The following GALNS variants were observed in gnomAD, a reference collection of about 807,000 sequenced individuals.
GALNS encodes the protein N-acetylgalactosamine-6-sulfatase.
In GALNS, 65 loss-of-function variants were observed where a neutral mutation model predicts 65.9. The ratio of observed to expected loss-of-function variants is 0.99; its 90% CI spans 0.81 to 1.21. The LOEUF is 1.21. GALNS is among the 50% of genes most tolerant of loss of function. The probability of loss-of-function intolerance (pLI) is 0.00; values close to 1 mark genes in which losing one functional copy is unlikely to be tolerated. For synonymous variants in GALNS, 346 were observed against 288.9 expected, an observed-to-expected ratio of 1.20 and a Z score of -2.00; for missense variants, 776 against 700.7, an observed-to-expected ratio of 1.11 and a Z score of -1.21.
chr16:88,824,812 C>T lies in GALNS; in HGVS notation c.1197G>A (p.Lys399=), dbSNP rs946866356. Residue 399 remains lysine, a synonymous_variant, in exon 11 of 14, where the codon AAG becomes AAA. Transcript: ENST00000268695. The part of the protein sequence containing the change: ...TLMAATLGQH[K]AHFWTWTNSW... ...AGTTGGTCCAGGTCCAGAAGTGAGC[C>T]TTGTGCTGCCCGAGGGTGGCCGCCA... 1 of 1,613,462 alleles carries T rather than the reference C, an allele frequency of 6.2e-7. No individual in the cohort carries two copies. Among genetic ancestry groups the T allele is most frequent in the Non-Finnish European group, 8.5e-7 (1 of 1,180,018 alleles).
chr16:88,841,546 C>G (rs1966973529), intron 3 of GALNS, among the ~76,000 whole-genome samples: 1 of 152,228 alleles, frequency 6.6e-6, no homozygotes. Flanking sequence ...ATCCAAACCC[C>G]TCAAGCACAG....
chr16:88,841,721 A>C (rs1426991676), intron 3 of GALNS, among the ~76,000 whole-genome samples, 176 bp downstream of exon 3: 1 of 152,104 alleles, frequency 6.6e-6, no homozygotes, highest in African/African-American at 2.4e-5. Context: ...GGGCCAGGGC[A>C]GGGAAGGAAG....
In GALNS at chr16:88,833,039, C is replaced by T. The variant is rs1911674489; in HGVS notation, c.899-938G>A. Among the ~76,000 whole-genome samples the T allele has an allele frequency of 2.8e-5, 4 of 142,550 alleles. No homozygotes were observed. In the South Asian group the frequency reaches 8.7e-4, roughly 31 times the overall value. 93.5% of individuals were successfully genotyped at this position (142,550 alleles called of 152,430 possible). Reference sequence around the variant, plus strand: ...GCTACAGTGAGCTGAGATCGCGCCACTGCACTCCAGCCTGGGCAACAGAGC... The same window carrying T: ...GCTACAGTGAGCTGAGATCGCGCCATTGCACTCCAGCCTGGGCAACAGAGC... On this transcript the variant is annotated intron_variant, in intron 8 of 13. Coordinates refer to ENST00000268695, the MANE Select transcript of GALNS (RefSeq NM_000512.5).
rs1389949484 is a variant in GALNS, at chr16:88,814,180, G to T, written c.*259C>A. 2 of 571,810 alleles carry T rather than the reference G, an allele frequency of 3.5e-6. No individual in the cohort carries two copies. Among genetic ancestry groups the T allele is most frequent in the Non-Finnish European group, 6.3e-6 (2 of 318,650 alleles). 35.4% of individuals were successfully genotyped at this position (571,810 alleles called of 1,614,324 possible). On this transcript the variant is annotated 3_prime_UTR_variant, in exon 14 of 14. Coordinates refer to ENST00000268695, the MANE Select transcript of GALNS (RefSeq NM_000512.5). ...TTTGGGGTTCACAAAGGCGTGAGAC[G>T]GCAGGGTCCTGAGGTCTGAGGCGCC...
intron 1 of GALNS, among the ~76,000 whole-genome samples, chr16:88,852,379 G>A (rs1967544971): frequency 6.6e-6 from 1 of 152,106 alleles, no homozygotes; most frequent in South Asian, 2.1e-4. Flanking sequence ...CCATCTTTAG[G>A]CCACCAGCAT....
At chr16:88,835,444 A>C in intron 7 of GALNS, 92 bp from the exon 8 acceptor site, 3 of 1,511,122 alleles carry the variant, frequency 2.0e-6, no homozygotes, top group Non-Finnish European at 2.7e-6. Flanking sequence ...CACGGAGTTC[A>C]TTAAATCATA....
intron 2 of GALNS, 111 bp downstream of exon 2, chr16:88,842,595 T>G: frequency 1.5e-6 from 2 of 1,339,846 alleles, no homozygotes; most frequent in Non-Finnish European, 2.1e-6. Flanking sequence ...CCTGCAGTAG[T>G]AGGAATAGAC....
chr16:88,816,646 T>C (rs1262161055), intron 13 of GALNS: 1 of 984,828 alleles, frequency 1.0e-6, no homozygotes, highest in Non-Finnish European at 1.2e-6. Flanking sequence ...TGGTAGGTGC[T>C]CCCGATGGCC....
At chr16:88,853,708 C>T (rs1967618153) in intron 1 of GALNS, among the ~76,000 whole-genome samples, 1 of 152,206 alleles carries the variant, frequency 6.6e-6, no homozygotes, top group South Asian at 2.1e-4. Flanking sequence ...GTGGGCCACG[C>T]AGGTTTCCTC....
chr16:88,856,620 C>T (rs1474241456), intron 1 of GALNS, 138 bp downstream of exon 1: 6 of 383,510 alleles, frequency 1.6e-5, no homozygotes, highest in East Asian at 1.6e-4. Flanking sequence ...CGCGCGGGGC[C>T]TCCCCCCTTC....
At chr16:88,846,513 T>C (rs931758876) in intron 1 of GALNS, among the ~76,000 whole-genome samples, 3 of 143,164 alleles carry the variant, frequency 2.1e-5, no homozygotes, top group Non-Finnish European at 3.0e-5. Context: ...TTCTGGCTTT[T>C]TTTTTTTTTT....
intron 11 of GALNS, 77 bp from the exon 12 acceptor site, chr16:88,822,787 G>A: frequency 1.9e-6 from 3 of 1,575,704 alleles, no homozygotes; most frequent in Non-Finnish European, 2.6e-6. Context: ...CCCGTGTCCT[G>A]GAGCCCCTGA....
At chr16:88,814,916 A>C in intron 13 of GALNS, 5 of 497,976 alleles carry the variant, frequency 1.0e-5, no homozygotes, top group Non-Finnish European at 1.3e-5. Flanking sequence ...TATTTTTGGT[A>C]GAGACAAGGG....
chr16:88,848,605 G>A (rs1010406710), intron 1 of GALNS, among the ~76,000 whole-genome samples: 2 of 151,870 alleles, frequency 1.3e-5, no homozygotes, highest in Non-Finnish European at 2.9e-5. Flanking sequence ...GGGCATCCTG[G>A]TTTTCTGCAG....
chr16:88,855,121 G>A, intron 1 of GALNS: 1 of 523,374 alleles, frequency 1.9e-6, no homozygotes, highest in Non-Finnish European at 3.6e-6. Context: ...AGCAGAAGTA[G>A]GTGAAATACA....
intron 1 of GALNS, among the ~76,000 whole-genome samples, chr16:88,851,638 A>C (rs1967513798): frequency 6.6e-6 from 1 of 152,156 alleles, no homozygotes; most frequent in Non-Finnish European, 1.5e-5. Context: ...CACCTGGAAA[A>C]TCAGGACACT....
chr16:88,816,383 G>GC (rs1289301331), intron 13 of GALNS: 2 of 985,402 alleles, frequency 2.0e-6, no homozygotes, highest in East Asian at 2.3e-4. Context: ...GGCTCCTGGG[G>GC]CCCCGAGACT....
Position 88,814,079 on chromosome 16 carries a change from T to C in GALNS, c.*360A>G. 1 of 393,288 alleles carries C rather than the reference T, an allele frequency of 2.5e-6. No individual in the cohort carries two copies. The highest frequency in any genetic ancestry group is 4.8e-6 in the Non-Finnish European group (1 of 206,690). The allele number at this position is 393,288 out of a possible 1,614,324, so 24.4% of individuals were successfully genotyped here. On this transcript the variant is annotated 3_prime_UTR_variant, in exon 14 of 14. Transcript: ENST00000268695. ...TGTATCCCCAGCCACCTCAGGCACCTGTTGTCAGGACCTCCTGAGGCTGTC... is the reference window on the plus strand; with the variant it reads ...TGTATCCCCAGCCACCTCAGGCACCCGTTGTCAGGACCTCCTGAGGCTGTC...
At chr16:88,843,400 A>T in intron 1 of GALNS, 1 of 384,510 alleles carries the variant, frequency 2.6e-6, no homozygotes, top group Non-Finnish European at 4.8e-6. Context: ...GGGCAGCACG[A>T]CTCAGTGGCC....
Sources: gnomAD v4.1 joint callset for allele counts (sites outside exome capture counted in the v4.1 genomes callset) on GRCh38, gnomAD v4.1.1 for gene constraint, MANE v1.5 for transcripts, NCBI Gene and HGNC (gene_info 2026-07-23, HGNC 2026-07-21) for gene names.